The following SLC7A8 variants were observed in gnomAD, a reference collection of about 807,000 sequenced individuals.
The protein encoded by SLC7A8 is solute carrier family 7 member 8, also known as large neutral amino acids transporter small subunit 2.
Under a neutral mutation model 51.2 loss-of-function variants are expected in SLC7A8, and 30 were observed. That is an observed-to-expected ratio of 0.59 (90% CI 0.44 to 0.80). The LOEUF (loss-of-function observed/expected upper bound fraction) is 0.80, where lower values mean the gene tolerates loss of function less well. SLC7A8 is among the 30% of genes least tolerant of loss of function. The pLI is 0.00. For missense variants in SLC7A8, 612 were observed against 674.4 expected (o/e 0.91, Z 1.03); for synonymous variants, 257 against 275.8 (o/e 0.93, Z 0.67).
chr14:23,140,379 C>T (rs995418973), intron 5 of SLC7A8, 92 bp downstream of exon 5: 19 of 1,319,004 alleles, frequency 1.4e-5, no homozygotes, highest in Middle Eastern at 2.0e-4. Flanking sequence ...CTTTGGAAGG[C>T]GAGGTGGGCA....
At chr14:23,143,967 T>G (rs1381387136) in intron 3 of SLC7A8, among the ~76,000 whole-genome samples, 5 of 152,252 alleles carry the variant, frequency 3.3e-5, no homozygotes, top group Admixed American at 2.0e-4. Context: ...CTACTCATGT[T>G]GTTGCATATA....
chr14:23,130,443 T>TCC (rs1169745523), intron 8 of SLC7A8, among the ~76,000 whole-genome samples: 1 of 152,162 alleles, frequency 6.6e-6, no homozygotes, highest in African/African-American at 2.4e-5. Context: ...ACCATGCTCC[T>TCC]CCCCTCTGAT....
rs575637295 is a variant in SLC7A8, at chr14:23,128,176, G to T, written c.1284C>A (p.Ile428=). 3 of 1,614,178 alleles carry T rather than the reference G, an allele frequency of 1.9e-6. No individual in the cohort carries two copies. In the East Asian group the frequency reaches 6.7e-5, roughly 36 times the overall value. Residue 428 remains isoleucine (I), a synonymous_variant, in exon 10 of 11, where the codon ATC becomes ATA. Coordinates refer to ENST00000316902, the MANE Select transcript of SLC7A8 (RefSeq NM_012244.4). This position sits in a 1 kb window ranked among gnomAD's most constrained non-coding sequence, Gnocchi z 4.3. Reference sequence around the variant, plus strand: ...GGAAGGCCCAGAACAGCAAGTAGATGATGGGGAACAGCAGGTTGATCTGTG... The same window carrying T: ...GGAAGGCCCAGAACAGCAAGTAGATTATGGGGAACAGCAGGTTGATCTGTG... ...RPIKINLLFP[I]IYLLFWAFLL...
chr14:23,180,284 G>T (rs188449851), intron 1 of SLC7A8, among the ~76,000 whole-genome samples: 1 of 152,060 alleles, frequency 6.6e-6, no homozygotes, highest in Non-Finnish European at 1.5e-5. Context: ...CACAGAAAAT[G>T]CCATTTCTAT....
intron 1 of SLC7A8, among the ~76,000 whole-genome samples, 198 bp downstream of exon 1, chr14:23,182,566 G>T (rs975700431): frequency 6.6e-6 from 1 of 152,186 alleles, no homozygotes; most frequent in African/African-American, 2.4e-5. Context: ...CAGAATCTTT[G>T]CCTGGTTTGG....
At chr14:23,155,067 A>G in intron 3 of SLC7A8, 2 of 1,061,392 alleles carry the variant, frequency 1.9e-6, no homozygotes, top group Non-Finnish European at 2.7e-6. Flanking sequence ...CAGCTTCTAT[A>G]AAGTGCACAG....
At chr14:23,156,400 C>T (rs888023720) in intron 3 of SLC7A8, 2 of 152,140 alleles carry the variant, frequency 1.3e-5, no homozygotes, top group East Asian at 1.9e-4. Context: ...GTATATGTGC[C>T]GCTAAAGTGA....
At chr14:23,174,202 C>G (rs1275178452) in intron 1 of SLC7A8, among the ~76,000 whole-genome samples, 2 of 152,218 alleles carry the variant, frequency 1.3e-5, no homozygotes, top group African/African-American at 4.8e-5. Context: ...CTGTCTTTAT[C>G]AGCTGCTTAC....
intron 3 of SLC7A8, chr14:23,156,491 C>T (rs1348950587): frequency 1.3e-5 from 2 of 152,190 alleles, no homozygotes; most frequent in Non-Finnish European, 2.9e-5. Context: ...GCCTCACTCC[C>T]ATAAGCCTTC....
At chr14:23,133,460 A>G (rs958997564) in intron 7 of SLC7A8, among the ~76,000 whole-genome samples, 4 of 141,160 alleles carry the variant, frequency 2.8e-5, no homozygotes, top group Admixed American at 7.1e-5. Context: ...AAAAAAAAAA[A>G]AGAGAAAGAA....
At position 23,127,137 on chromosome 14, in the gene SLC7A8, A is replaced by C. The variant is rs748166974; in HGVS notation, c.*40T>G. On this transcript the variant is annotated 3_prime_UTR_variant, in exon 11 of 11. Transcript: ENST00000316902. The stretch of plus-strand genomic sequence containing the variant: ...GGACCAAGGCAGGGAGGTAGGATAA[A>C]AGGGGGAGGAAGGAGAGAGTAGCCA... 1 of 1,611,144 alleles carries C rather than the reference A, an allele frequency of 6.2e-7. No homozygotes were observed. Among genetic ancestry groups the C allele is most frequent in the Non-Finnish European group, 8.5e-7 (1 of 1,177,810 alleles).
intron 7 of SLC7A8, among the ~76,000 whole-genome samples, chr14:23,135,153 T>C (rs923477025): frequency 2.0e-5 from 3 of 152,090 alleles, no homozygotes; most frequent in African/African-American, 7.2e-5. Flanking sequence ...AGTGTCACGA[T>C]CTCGGCTCAC....
At chr14:23,182,117 G>C (rs1464020815) in intron 1 of SLC7A8, among the ~76,000 whole-genome samples, 1 of 152,154 alleles carries the variant, frequency 6.6e-6, no homozygotes, top group Non-Finnish European at 1.5e-5. Flanking sequence ...GACCCCACCA[G>C]GCAACTGGAG....
At chr14:23,132,950 T>A (rs1017093125) in intron 7 of SLC7A8, among the ~76,000 whole-genome samples, 10 of 150,566 alleles carry the variant, frequency 6.6e-5, no homozygotes, top group Admixed American at 3.3e-4. Context: ...ATCTGCTTTT[T>A]AAAAAAAAAA....
chr14:23,181,933 G>A (rs1221155861), intron 1 of SLC7A8, among the ~76,000 whole-genome samples: 2 of 152,202 alleles, frequency 1.3e-5, no homozygotes, highest in African/African-American at 4.8e-5. Flanking sequence ...GGGTTTGAGT[G>A]GCCTGCACTG....
At chr14:23,153,381 C>T (rs893493638) in intron 3 of SLC7A8, among the ~76,000 whole-genome samples, 3 of 152,198 alleles carry the variant, frequency 2.0e-5, no homozygotes, top group East Asian at 1.9e-4. Context: ...GCCTCTGCCC[C>T]GCCTTCCTTC....
chr14:23,143,254 A>G (rs756499150), intron 3 of SLC7A8, 50 bp from the exon 4 acceptor site: 3 of 1,606,692 alleles, frequency 1.9e-6, no homozygotes, highest in Non-Finnish European at 2.6e-6. Context: ...ATCTGGCTGC[A>G]TGATGCCCAA....
At chr14:23,149,886 G>C (rs760592851) in intron 3 of SLC7A8, among the ~76,000 whole-genome samples, 8 of 152,144 alleles carry the variant, frequency 5.3e-5, no homozygotes, top group Non-Finnish European at 8.8e-5. Flanking sequence ...ACAGTGCTCA[G>C]TACAGTAACA....
At chr14:23,169,644 T>TGATCCAC (rs2048966640) in intron 1 of SLC7A8, among the ~76,000 whole-genome samples, 1 of 152,070 alleles carries the variant, frequency 6.6e-6, no homozygotes, top group African/African-American at 2.4e-5. Flanking sequence ...TGACCTCAAG[T>TGATCCAC]GATCCACCCG....
Sources: gnomAD v4.1 joint callset for allele counts (sites outside exome capture counted in the v4.1 genomes callset) on GRCh38, gnomAD v4.1.1 for gene constraint, Gnocchi (gnomAD v3.1) non-coding constraint, MANE v1.5 for transcripts, NCBI Gene and HGNC (gene_info 2026-07-23, HGNC 2026-07-21) for gene names.